ADGRL3: variants seen among roughly 807,000 people sequenced by gnomAD.
The protein encoded by ADGRL3 is adhesion G protein-coupled receptor L3.
ADGRL3 carries 62 observed loss-of-function variants against 153.5 expected under a neutral mutation model. The observed-to-expected ratio is 0.40, with a 90% confidence interval of 0.33 to 0.50. The LOEUF is 0.50. ADGRL3 is among the 20% of genes least tolerant of loss of function. ADGRL3 has a pLI of 0.47. For missense variants in ADGRL3, 1,641 were observed against 1,859.4 expected (o/e 0.88, Z 2.16); for synonymous variants, 710 against 672.5 (o/e 1.06, Z -0.86).
rs779804384 is a variant in ADGRL3 at position 61,892,620 on chromosome 4, A to G, written c.1481-36A>G. The G allele has an allele frequency of 7.2e-6, 11 of 1,519,182 alleles. No individual in the cohort carries two copies. The Admixed American group carries it at 1.7e-4, about 23-fold the overall frequency. 94.1% of individuals were successfully genotyped at this position (1,519,182 alleles called of 1,614,324 possible). A position where few individuals can be genotyped will look rare whatever the true frequency, so the allele number is the denominator to read the frequency against. Reference sequence around the variant, plus strand: ...ACATCTTGAGGTCCTCCTGTGAACAAGCAATGTAGGTGTTTTCTTTCTAAT... The same window carrying G: ...ACATCTTGAGGTCCTCCTGTGAACAGGCAATGTAGGTGTTTTCTTTCTAAT... On this transcript the variant is annotated intron_variant, in intron 9 of 26. Coordinates refer to ENST00000683033, the MANE Select transcript of ADGRL3 (RefSeq NM_001387552.1).
intron 9 of ADGRL3, among the ~76,000 whole-genome samples, chr4:61,870,014 GGAAAGAAAGAA>G (rs2098434459): frequency 7.5e-6 from 1 of 134,038 alleles, no homozygotes. Context: ...GAGAGAGAAA[GGAAAGAAAGAA>G]GAAAGAAAGA....
intron 9 of ADGRL3, among the ~76,000 whole-genome samples, chr4:61,831,411 TAAAAAAAAAAAA>T (rs1166970099): frequency 6.7e-4 from 25 of 37,302 alleles, no homozygotes; most frequent in Non-Finnish European, 1.0e-3. Context: ...AGATGCTAAG[TAAAAAAAAAAAA>T]AAAAAAAAAA....
At chr4:61,802,311 A>G (rs1190023566) in intron 8 of ADGRL3, among the ~76,000 whole-genome samples, 1 of 152,148 alleles carries the variant, frequency 6.6e-6, no homozygotes, top group Non-Finnish European at 1.5e-5. Context: ...CCAAAACTAA[A>G]ATAAGGAATT....
rs574730538 is a variant in ADGRL3, at chr4:61,959,161, A to G, written c.2805+10885A>G. ...TCCAAATGTCTGTTCATCTCTTAGTACTAATTCTCTTTTGTAACCCCCTTT... is the reference window on the plus strand; with the variant it reads ...TCCAAATGTCTGTTCATCTCTTAGTGCTAATTCTCTTTTGTAACCCCCTTT... On this transcript the variant is annotated intron_variant, in intron 17 of 26. Transcript: ENST00000683033. Among the ~76,000 whole-genome samples, 688 of 152,294 alleles carry G rather than the reference A, an allele frequency of 4.5e-3. 3 individuals are homozygous for G. Among genetic ancestry groups the G allele is most frequent in the Non-Finnish European group, 7.9e-3 (534 of 68,018 alleles).
intron 21 of ADGRL3, among the ~76,000 whole-genome samples, chr4:62,027,578 T>A (rs1719461826): frequency 6.6e-6 from 1 of 152,022 alleles, no homozygotes; most frequent in Non-Finnish European, 1.5e-5. Flanking sequence ...TTTTACTGCA[T>A]CATATTACTC....
chr4:61,328,933 A>G (rs1241758933), intron 1 of ADGRL3, among the ~76,000 whole-genome samples: 1 of 152,176 alleles, frequency 6.6e-6, no homozygotes, highest in Non-Finnish European at 1.5e-5. Context: ...CAGTTCCACT[A>G]TGTGAATGAA....
intron 24 of ADGRL3, among the ~76,000 whole-genome samples, chr4:62,043,961 G>A (rs1387546789): frequency 2.0e-5 from 3 of 151,878 alleles, no homozygotes; most frequent in Non-Finnish European, 2.9e-5. Flanking sequence ...AAGTTCAGTA[G>A]CATTTTAATA....
At chr4:61,849,264 T>C (rs181815581) in intron 9 of ADGRL3, among the ~76,000 whole-genome samples, 7 of 152,272 alleles carry the variant, frequency 4.6e-5, no homozygotes, top group Non-Finnish European at 1.0e-4. Flanking sequence ...CTTACTACTC[T>C]TTGTAAAAGT....
chr4:61,852,258 T>TTGG (rs1468730072), intron 9 of ADGRL3, among the ~76,000 whole-genome samples: 1 of 151,964 alleles, frequency 6.6e-6, no homozygotes, highest in African/African-American at 2.4e-5. Flanking sequence ...AAGTCCAAAA[T>TTGG]TGGTGCATTT....
chr4:61,278,527 G>A (rs866607305), intron 1 of ADGRL3, among the ~76,000 whole-genome samples: 18 of 151,770 alleles, frequency 1.2e-4, no homozygotes, highest in African/African-American at 3.6e-4. Flanking sequence ...TTTTTGAGAC[G>A]GAGTCTCACT....
intron 5 of ADGRL3, among the ~76,000 whole-genome samples, chr4:61,599,805 C>A (rs1429870985): frequency 1.3e-5 from 2 of 152,098 alleles, no homozygotes; most frequent in African/African-American, 4.8e-5. Context: ...GAAAAATTTT[C>A]GCTTCTGCAG....
intron 6 of ADGRL3, among the ~76,000 whole-genome samples, chr4:61,692,197 C>G (rs1239386356): frequency 6.6e-6 from 1 of 152,066 alleles, no homozygotes; most frequent in Non-Finnish European, 1.5e-5. Flanking sequence ...TTATCATATT[C>G]TCACAGTAAT....
intron 6 of ADGRL3, among the ~76,000 whole-genome samples, chr4:61,700,656 T>C (rs769337266): frequency 5.3e-5 from 8 of 152,144 alleles, no homozygotes; most frequent in Non-Finnish European, 1.2e-4. Context: ...CAGTGAAAAG[T>C]CGGTAACTGA....
At chr4:62,011,966 A>G (rs2099188608) in intron 21 of ADGRL3, among the ~76,000 whole-genome samples, 1 of 152,068 alleles carries the variant, frequency 6.6e-6, no homozygotes, top group African/African-American at 2.4e-5. Context: ...TTTCTTTAAA[A>G]TGACACAACT....
intron 8 of ADGRL3, among the ~76,000 whole-genome samples, chr4:61,784,889 G>A (rs76625833): frequency 5.9e-5 from 9 of 152,198 alleles, no homozygotes; most frequent in African/African-American, 1.7e-4. Flanking sequence ...GTTATATAAC[G>A]TTGGGAAAAT....
intron 8 of ADGRL3, among the ~76,000 whole-genome samples, chr4:61,746,916 G>C (rs547181297): frequency 6.6e-6 from 1 of 152,182 alleles, no homozygotes; most frequent in East Asian, 1.9e-4. Flanking sequence ...AATGAATCCA[G>C]GAGCTGGTTT....
chr4:62,047,629 A>G (rs966364219), intron 25 of ADGRL3, among the ~76,000 whole-genome samples: 1 of 152,160 alleles, frequency 6.6e-6, no homozygotes, highest in African/African-American at 2.4e-5. Context: ...AATAATTTTC[A>G]ATGAGTATAT....
chr4:61,677,899 G>C (rs190417140), intron 6 of ADGRL3, among the ~76,000 whole-genome samples: 34 of 151,890 alleles, frequency 2.2e-4, no homozygotes, highest in Non-Finnish European at 4.3e-4. Context: ...ATAGAAATTT[G>C]GCCAATAAGA....
At chr4:61,374,599 G>T (rs376672947) in intron 1 of ADGRL3, among the ~76,000 whole-genome samples, 1 of 152,006 alleles carries the variant, frequency 6.6e-6, no homozygotes, top group Non-Finnish European at 1.5e-5. Context: ...AGCTTCATGC[G>T]ATGCACTACA....
Sources: allele counts gnomAD v4.1 joint callset (sites outside exome capture counted in the v4.1 genomes callset), GRCh38; gene constraint gnomAD v4.1.1; transcripts MANE v1.5; gene names NCBI Gene and HGNC (gene_info 2026-07-23, HGNC 2026-07-21).